Variants in IL17RE observed in about 807,000 individuals in gnomAD.
IL17RE encodes interleukin 17 receptor E, also known as interleukin-17 receptor E.
In IL17RE, 47 loss-of-function variants were observed where a neutral mutation model predicts 70.7. The observed-to-expected ratio is 0.67, with a 90% CI of 0.53 to 0.85. IL17RE has a LOEUF of 0.85. IL17RE is among the 40% of genes least tolerant of loss of function. The pLI, the probability that IL17RE is intolerant of heterozygous loss-of-function variation, is 0.00. For synonymous variants in IL17RE, 372 were observed against 381.2 expected (o/e 0.98, Z 0.28); for missense variants, 850 against 893.9 (o/e 0.95, Z 0.63).
Position 9,915,339 on chromosome 3 carries a change from A to G in IL17RE, c.1536A>G (p.Leu512=). ...TGGTGGGAGCGCTGGCTGAACTGCTACGGGCAGCGCTGGGCGGCGGGCGCG... is the reference window on the plus strand; with the variant it reads ...TGGTGGGAGCGCTGGCTGAACTGCTGCGGGCAGCGCTGGGCGGCGGGCGCG... The part of the protein sequence containing the change: ...RRLVGALAEL[L]RAALGGGRDV... Residue 512 remains leucine, a synonymous_variant, in exon 16 of 16, where the codon CTA becomes CTG. Coordinates refer to ENST00000383814, the MANE Select transcript of IL17RE (RefSeq NM_153480.2). The surrounding 1 kb of genome is among the most constrained non-coding windows in gnomAD (Gnocchi z 4.9). 1 of 1,388,702 alleles carries G rather than the reference A, an allele frequency of 7.2e-7. No individual in the cohort carries two copies. The highest frequency in any genetic ancestry group is 1.5e-5 in the African/African-American group (1 of 65,924). 86.0% of individuals were successfully genotyped at this position (1,388,702 alleles called of 1,614,324 possible).
chr3:9,911,664 T>G (rs986091921), intron 12 of IL17RE, 67 bp downstream of exon 12: 7 of 1,435,042 alleles, frequency 4.9e-6, no homozygotes, highest in African/African-American at 1.4e-5. Flanking sequence ...GTGACCTCAT[T>G]GAGATAGACC....
Position 9,915,614 on chromosome 3 carries a change from C to G in IL17RE, c.1811C>G (p.Pro604Arg). ...CGCCTCTGCGCCAAGGGCGACATCC[C>G]CCCGCCGCTGCGCGCCCTGCCGCGC... ...FSRLCAKGDI[P>R]PPLRALPRYR... is the part of the protein sequence containing the mutation. The change falls in exon 16 of 16, where the codon CCC (proline) becomes CGC (arginine). Residue 604 changes from proline to arginine, a missense_variant. Transcript: ENST00000383814. The surrounding 1 kb of genome is among the most constrained non-coding windows in gnomAD (Gnocchi z 4.9). 2 of 1,415,910 alleles carry G rather than the reference C, an allele frequency of 1.4e-6. No individual in the cohort carries two copies. The highest frequency in any genetic ancestry group is 1.8e-6 in the Non-Finnish European group (2 of 1,089,000). 87.7% of individuals were successfully genotyped at this position (1,415,910 alleles called of 1,614,324 possible). A position where few individuals can be genotyped will look rare whatever the true frequency, so the allele number is the denominator to read the frequency against.
chr3:9,913,684 C>T (rs527550550), intron 12 of IL17RE, among the ~76,000 whole-genome samples: 5 of 152,320 alleles, frequency 3.3e-5, no homozygotes, highest in African/African-American at 7.2e-5. Context: ...AGACAATGTC[C>T]GCACCCGCCT....
At chr3:9,908,146 G>A in intron 6 of IL17RE, 93 bp from the exon 7 acceptor site, 1 of 1,027,564 alleles carries the variant, frequency 9.7e-7, no homozygotes, top group South Asian at 1.3e-5. Context: ...AACAGGGTGT[G>A]TTGGCCAAGA....
intron 7 of IL17RE, 57 bp from the exon 8 acceptor site, chr3:9,909,160 G>C: frequency 7.1e-7 from 1 of 1,416,818 alleles, no homozygotes; most frequent in Admixed American, 1.8e-5. Flanking sequence ...TTTTAGGTCT[G>C]AGTGAGATTG....
chr3:9,908,591 G>A (rs994136693), intron 7 of IL17RE, among the ~76,000 whole-genome samples: 1 of 152,212 alleles, frequency 6.6e-6, no homozygotes, highest in African/African-American at 2.4e-5. Context: ...GCCAGAATAG[G>A]CAGCTGTCAT....
Position 9,915,706 on chromosome 3 carries a change from A to G in IL17RE, c.1903A>G (p.Thr635Ala). Reference protein sequence around the residue: ...ALDARPFAEATSWGRLGARQR... With the variant: ...ALDARPFAEAASWGRLGARQR... ...GGACGCGCGGCCTTTCGCAGAGGCC[A>G]CCAGCTGGGGCCGCCTTGGGGCGCG... Residue 635 changes from threonine to alanine, a missense_variant, in exon 16 of 16, where the codon ACC becomes GCC. Thr to Ala is a moderately conservative substitution (Grantham distance 58). Transcript: ENST00000383814. The surrounding 1 kb of genome is among the most constrained non-coding windows in gnomAD (Gnocchi z 4.9). 1 of 1,407,898 alleles carries G rather than the reference A, an allele frequency of 7.1e-7. No homozygotes were observed. Among genetic ancestry groups the G allele is most frequent in the Non-Finnish European group, 9.2e-7 (1 of 1,091,816 alleles). The allele number at this position is 1,407,898 out of a possible 1,614,324, so 87.2% of individuals were successfully genotyped here.
Position 9,911,274 on chromosome 3 carries a change from G to T in IL17RE, c.1046G>T (p.Ser349Ile). 6.2e-7 allele frequency: 1 copy of T among 1,614,210 alleles called. No individual in the cohort carries two copies. The highest frequency in any genetic ancestry group is 8.5e-7 in the Non-Finnish European group (1 of 1,180,046). ...LCFKFSFGNSSHVECPHQTGS... is the reference protein window; with the variant it reads ...LCFKFSFGNSIHVECPHQTGS... ...TCTCAGTTCTCTTTTGGAAACAGCA[G>T]CCATGTTGAATGCCCCCACCAGACT... The change falls in exon 11 of 16, where the codon AGC becomes ATC. Residue 349 changes from serine to isoleucine, a missense_variant. Physicochemically the swap from Ser to Ile is moderately radical, Grantham distance 142 (BLOSUM62 -2). Transcript: ENST00000383814.
chr3:9,902,585 A>C, upstream of IL17RE: 2 of 1,523,390 alleles, frequency 1.3e-6, no homozygotes, highest in Non-Finnish European at 1.8e-6. Context: ...TCAGATCTGC[A>C]GTGTGTTTCA....
At chr3:9,909,368 CACACA>C (rs2125083153) in intron 8 of IL17RE, 85 bp downstream of exon 8, 1 of 1,155,512 alleles carries the variant, frequency 8.7e-7, no homozygotes, top group East Asian at 2.5e-5. Context: ...CACACACACA[CACACA>C]CCCCGCACTT....
At position 9,915,961 on chromosome 3, in the gene IL17RE, C is replaced by A; in HGVS notation, c.*154C>A. The stretch of plus-strand genomic sequence containing the variant: ...TCCCTGCCTCACAGGCCGGAAGTCC[C>A]AGCCCAGTCCCCGCGCGCGTCCCTC... On this transcript the variant is annotated 3_prime_UTR_variant, in exon 16 of 16. Coordinates refer to ENST00000383814, the MANE Select transcript of IL17RE (RefSeq NM_153480.2). This position sits in a 1 kb window ranked among gnomAD's most constrained non-coding sequence, Gnocchi z 4.9. 1 of 1,272,248 alleles carries A rather than the reference C, an allele frequency of 7.9e-7. No homozygotes were observed. The allele number at this position is 1,272,248 out of a possible 1,614,324, so 78.8% of individuals were successfully genotyped here. A position where few individuals can be genotyped will look rare whatever the true frequency, so the allele number is the denominator to read the frequency against.
chr3:9,906,506 C>A, intron 4 of IL17RE, 45 bp downstream of exon 4: 1 of 1,475,966 alleles, frequency 6.8e-7, no homozygotes, highest in Non-Finnish European at 9.5e-7. Flanking sequence ...CCCCACAGAC[C>A]TTTGCTTTCT....
intron 5 of IL17RE, 21 bp downstream of exon 5, chr3:9,906,886 G>C: frequency 1.2e-6 from 2 of 1,614,136 alleles, no homozygotes; most frequent in Non-Finnish European, 1.7e-6. Flanking sequence ...GGTACAACAG[G>C]AGATGGGTTC....
In IL17RE at chr3:9,910,856, C is replaced by G. The variant is rs754292429; in HGVS notation, c.803-9C>G. ...TGACCCTCACCCACTGACCCTGCCACCTGCCCAGATGGCTCGGACTTCTGG... is the reference window on the plus strand; with the variant it reads ...TGACCCTCACCCACTGACCCTGCCAGCTGCCCAGATGGCTCGGACTTCTGG... On this transcript the variant is annotated splice_polypyrimidine_tract_variant and intron_variant, in intron 8 of 15. Coordinates refer to ENST00000383814, the MANE Select transcript of IL17RE (RefSeq NM_153480.2). 1 of 1,612,148 alleles carries G rather than the reference C, an allele frequency of 6.2e-7. No homozygotes were observed. The highest frequency in any genetic ancestry group is 1.7e-5 in the Admixed American group (1 of 59,982).
At position 9,904,136 on chromosome 3, in the gene IL17RE, C is replaced by T. The variant is rs775230329; in HGVS notation, c.253C>T (p.Leu85=). 6.2e-7 allele frequency: 1 copy of T among 1,614,164 alleles called. No individual in the cohort carries two copies. Among genetic ancestry groups the T allele is most frequent in the South Asian group, 1.1e-5 (1 of 91,080 alleles). Reference sequence around the variant, plus strand: ...TTCCCGCTGTTTGTGCCAGCATCTGCTGTCAGGTGGCTCAGGTATGAGAAA... The same window carrying T: ...TTCCCGCTGTTTGTGCCAGCATCTGTTGTCAGGTGGCTCAGGTATGAGAAA... ...HCSRCLCQHL[L]SGGSGLQRGL... Residue 85 remains leucine (L), a synonymous_variant, in exon 3 of 16, where the codon CTG becomes TTG. Transcript: ENST00000383814.
At position 9,912,428 on chromosome 3, in the gene IL17RE, A is replaced by G. The variant is rs185465761; in HGVS notation, c.1227+831A>G. Among the ~76,000 whole-genome samples the G allele has an allele frequency of 1.2e-4, 19 of 152,256 alleles. No individual in the cohort carries two copies. The East Asian group carries it at 3.1e-3, about 25-fold the overall frequency. ...CGAGGCACCTGTGCAGAAGTTATCT[A>G]TCCTAGGAGGCAGAGCCCATGCAGC... On this transcript the variant is annotated intron_variant, in intron 12 of 15. Coordinates refer to ENST00000383814, the MANE Select transcript of IL17RE (RefSeq NM_153480.2).
At chr3:9,902,288 C>G (rs1288174101), upstream of IL17RE, among the ~76,000 whole-genome samples, 1 of 152,140 alleles carries the variant, frequency 6.6e-6, no homozygotes, top group East Asian at 1.9e-4. Context: ...CTAGAGGCCC[C>G]TTTGGTATGG....
chr3:9,902,543 G>T, upstream of IL17RE: 1 of 1,300,734 alleles, frequency 7.7e-7, no homozygotes, highest in South Asian at 1.3e-5. Context: ...GTCTATGGGA[G>T]ACACAAGTTC....
chr3:9,906,410 G>C lies in IL17RE; in HGVS notation c.315G>C (p.Lys105Asn). ...LFHLLVQKSK[K>N]SSTFKFYRRH... ...ACCTCCTGGTGCAGAAATCCAAAAA[G>C]TCTTCCACATTCAAGTTCTATAGGA... is the stretch of plus-strand genomic sequence containing the variant. Residue 105 changes from lysine (K) to asparagine (N), a missense_variant, in exon 4 of 16, where the codon AAG becomes AAC. Transcript: ENST00000383814. 6.2e-7 allele frequency: 1 copy of C among 1,614,016 alleles called. No homozygotes were observed. Among genetic ancestry groups the C allele is most frequent in the Non-Finnish European group, 8.5e-7 (1 of 1,179,976 alleles).
Sources: allele counts gnomAD v4.1 joint callset (sites outside exome capture counted in the v4.1 genomes callset), GRCh38; gene constraint gnomAD v4.1.1; non-coding constraint Gnocchi (gnomAD v3.1); transcripts MANE v1.5; gene names NCBI Gene and HGNC (gene_info 2026-07-23, HGNC 2026-07-21).